Variants in GLI3 observed in about 807,000 individuals in gnomAD.
GLI3 encodes the protein GLI family zinc finger 3, also known as transcription activator GLI3.
In GLI3, 20 loss-of-function variants were observed where a neutral mutation model predicts 100.8. That is an observed-to-expected ratio of 0.20 (90% CI 0.14 to 0.29). The LOEUF (loss-of-function observed/expected upper bound fraction) is 0.29, where lower values mean the gene tolerates loss of function less well. GLI3 is among the 10% of genes least tolerant of loss of function. The pLI is 1.00. For missense variants in GLI3, 2,040 were observed against 2,128.5 expected (o/e 0.96, Z 0.82); for synonymous variants, 938 against 860.5 (o/e 1.09, Z -1.58).
chr7:42,115,484 A>G (rs184593849), intron 3 of GLI3, among the ~76,000 whole-genome samples: 293 of 152,234 alleles, frequency 1.9e-3, no homozygotes, highest in Admixed American at 3.6e-3. Context: ...CAGATTTTCA[A>G]TCTCTGAATG....
At chr7:42,174,365 G>T (rs1787437023) in intron 2 of GLI3, among the ~76,000 whole-genome samples, 1 of 152,160 alleles carries the variant, frequency 6.6e-6, no homozygotes, top group Non-Finnish European at 1.5e-5. Flanking sequence ...TTTGTTTACT[G>T]AGAACTCTGA....
upstream of GLI3, among the ~76,000 whole-genome samples, chr7:42,240,437 T>G (rs1788912762): frequency 6.6e-6 from 1 of 152,162 alleles, no homozygotes; most frequent in South Asian, 2.1e-4. Context: ...TTCTAGAGGC[T>G]TGAAGTCCAA....
At chr7:42,157,653 T>A (rs1283368893) in intron 2 of GLI3, among the ~76,000 whole-genome samples, 3 of 152,278 alleles carry the variant, frequency 2.0e-5, no homozygotes, top group Non-Finnish European at 4.4e-5. Context: ...AATATTTGTA[T>A]GGATTTTTAA....
At position 42,237,116 on chromosome 7, in the gene GLI3, G is replaced by A. The variant is rs376491447; in HGVS notation, c.-188C>T. On this transcript the variant is annotated 5_prime_UTR_variant, in exon 1 of 15. Coordinates refer to ENST00000395925, the MANE Select transcript of GLI3 (RefSeq NM_000168.6). ...TGGGCGCGGGGTGCGCCCGCCGCGG[G>A]CATGGTGCGGCGCGGGCGGCCGCGG... 1 of 147,528 alleles carries A rather than the reference G, an allele frequency of 6.8e-6. No homozygotes were observed. The highest frequency in any genetic ancestry group is 6.8e-5 in the Admixed American group (1 of 14,802). 9.1% of individuals were successfully genotyped at this position (147,528 alleles called of 1,614,324 possible). A position where few individuals can be genotyped will look rare whatever the true frequency, so the allele number is the denominator to read the frequency against.
At chr7:42,099,297 A>G (rs1471928438) in intron 3 of GLI3, among the ~76,000 whole-genome samples, 1 of 152,210 alleles carries the variant, frequency 6.6e-6, no homozygotes, top group Non-Finnish European at 1.5e-5. Flanking sequence ...ACTTTGAGTG[A>G]TTACTTCCTT....
chr7:42,000,232 G>C (rs1788248435), intron 10 of GLI3, among the ~76,000 whole-genome samples: 1 of 152,222 alleles, frequency 6.6e-6, no homozygotes, highest in Admixed American at 6.5e-5. Context: ...TTGATTTGTA[G>C]AGTAGAGTGA....
rs116542631 is a variant in GLI3 at position 42,193,316 on chromosome 7, T to G, written c.124+29814A>C. Among the ~76,000 whole-genome samples, 733 of 151,892 alleles carry G rather than the reference T, an allele frequency of 4.8e-3. 7 individuals are homozygous for G. The highest frequency in any genetic ancestry group is 0.017 in the African/African-American group (700 of 41,410). On this transcript the variant is annotated intron_variant, in intron 2 of 14. Coordinates refer to ENST00000395925, the MANE Select transcript of GLI3 (RefSeq NM_000168.6). Reference sequence around the variant, plus strand: ...AAACAATGAGCCCATTCAAAAGGGGTTTAAAAAAATCCCTCGAGGAAGCTT... The same window carrying G: ...AAACAATGAGCCCATTCAAAAGGGGGTTAAAAAAATCCCTCGAGGAAGCTT...
At chr7:42,086,399 C>T (rs914769913) in intron 3 of GLI3, among the ~76,000 whole-genome samples, 2 of 152,104 alleles carry the variant, frequency 1.3e-5, no homozygotes, top group African/African-American at 4.8e-5. Flanking sequence ...TTTATCATAG[C>T]TTATCTAAAC....
intron 3 of GLI3, among the ~76,000 whole-genome samples, chr7:42,107,194 G>A (rs1785596534): frequency 6.6e-6 from 1 of 152,028 alleles, no homozygotes; most frequent in East Asian, 1.9e-4. Context: ...AGCCAGGTGT[G>A]AAGGTGCAAG....
chr7:42,214,747 T>C (rs975700671), intron 2 of GLI3, among the ~76,000 whole-genome samples: 4 of 151,776 alleles, frequency 2.6e-5, no homozygotes, highest in African/African-American at 9.7e-5. Context: ...TTTTCTCATG[T>C]AATTAATTTA....
At position 41,972,749 on chromosome 7, in the gene GLI3, T is replaced by C; in HGVS notation, c.1813-122A>G. On this transcript the variant is annotated intron_variant, in intron 12 of 14. Transcript: ENST00000395925. This position sits in a 1 kb window ranked among gnomAD's most constrained non-coding sequence, Gnocchi z 4.4. ...CTTTCAAAACACTTTCACAAGGCTT[T>C]GAGGTGTTCAGATACCTCTAGGAAC... The C allele has an allele frequency of 1.2e-6, 1 of 803,084 alleles. No homozygotes were observed. Among genetic ancestry groups the C allele is most frequent in the East Asian group, 2.6e-5 (1 of 37,950 alleles). 49.7% of individuals were successfully genotyped at this position (803,084 alleles called of 1,614,324 possible). A position where few individuals can be genotyped will look rare whatever the true frequency, so the allele number is the denominator to read the frequency against.
At position 42,084,529 on chromosome 7, in the gene GLI3, T is replaced by C. The variant is rs368380244; in HGVS notation, c.368-7672A>G. On this transcript the variant is annotated intron_variant, in intron 3 of 14. Coordinates refer to ENST00000395925, the MANE Select transcript of GLI3 (RefSeq NM_000168.6). ...CCTTCCAAACAGAGACTCTGGAATG[T>C]GTCTTGCCTGTGATTCCACATATAT... 1.2e-4 allele frequency among the ~76,000 whole-genome samples: 18 copies of C among 152,366 alleles called. No individual in the cohort carries two copies. The East Asian group carries it at 3.3e-3, about 28-fold the overall frequency.
chr7:42,204,399 C>T (rs984453707), intron 2 of GLI3, among the ~76,000 whole-genome samples: 1 of 152,158 alleles, frequency 6.6e-6, no homozygotes, highest in Admixed American at 6.6e-5. Flanking sequence ...TCACTATTGA[C>T]ATGTGAAGGA....
At chr7:42,179,385 G>A (rs367942001) in intron 2 of GLI3, among the ~76,000 whole-genome samples, 2 of 152,164 alleles carry the variant, frequency 1.3e-5, no homozygotes, top group African/African-American at 2.4e-5. Context: ...GGCAGGTAAC[G>A]GGAGGGACAG....
Position 41,963,298 on chromosome 7 carries a change from G to A in GLI3, c.*1032C>T, listed in dbSNP as rs1180303285. The stretch of plus-strand genomic sequence containing the variant: ...ATAAATGTTACTGATACAGCCGCTT[G>A]TGGGGTTGTTTAAATACCTATATAC... On this transcript the variant is annotated 3_prime_UTR_variant, in exon 15 of 15. Coordinates refer to ENST00000395925, the MANE Select transcript of GLI3 (RefSeq NM_000168.6). 1 of 152,182 alleles carries A rather than the reference G, an allele frequency of 6.6e-6. No individual in the cohort carries two copies. Among genetic ancestry groups the A allele is most frequent in the African/African-American group, 2.4e-5 (1 of 41,418 alleles). 9.4% of individuals were successfully genotyped at this position (152,182 alleles called of 1,614,324 possible). A position where few individuals can be genotyped will look rare whatever the true frequency, so the allele number is the denominator to read the frequency against.
intron 3 of GLI3, among the ~76,000 whole-genome samples, chr7:42,134,855 C>T (rs1391092959): frequency 6.6e-6 from 1 of 151,990 alleles, no homozygotes; most frequent in East Asian, 1.9e-4. Context: ...GAAAGTCAGG[C>T]ATTAAACTTA....
chr7:42,152,453 T>C (rs1786895929), intron 2 of GLI3: 1 of 982,760 alleles, frequency 1.0e-6, no homozygotes, highest in Non-Finnish European at 1.2e-6. Context: ...GGTATCTCTC[T>C]GCCTCCCTCT....
At chr7:42,235,517 G>A (rs578080760) in intron 1 of GLI3, among the ~76,000 whole-genome samples, 11 of 152,060 alleles carry the variant, frequency 7.2e-5, no homozygotes, top group African/African-American at 2.4e-4. Context: ...CATATTTCAG[G>A]GATCTAAAAA....
intron 2 of GLI3, among the ~76,000 whole-genome samples, chr7:42,221,046 G>C (rs1189707861): frequency 6.6e-6 from 1 of 152,192 alleles, no homozygotes; most frequent in Non-Finnish European, 1.5e-5. Context: ...AAAGCCAGGG[G>C]AGTGTGGTTG....
Sources: gnomAD v4.1 joint callset for allele counts (sites outside exome capture counted in the v4.1 genomes callset) on GRCh38, gnomAD v4.1.1 for gene constraint, Gnocchi (gnomAD v3.1) non-coding constraint, MANE v1.5 for transcripts, NCBI Gene and HGNC (gene_info 2026-07-23, HGNC 2026-07-21) for gene names.